FBXW7: variants seen among roughly 807,000 people sequenced by gnomAD.
FBXW7 encodes F-box and WD repeat domain containing 7.
Under a neutral mutation model 86.3 loss-of-function variants are expected in FBXW7, and 11 were observed. The observed-to-expected ratio is 0.13, with a 90% CI of 0.08 to 0.21. The LOEUF (loss-of-function observed/expected upper bound fraction) is 0.21. Ranked by LOEUF, FBXW7 falls within the 10% of genes least tolerant of loss-of-function variation. The pLI is 1.00. For synonymous variants in FBXW7, 313 were observed against 297.9 expected (o/e 1.05, Z -0.52); for missense variants, 488 against 847.4 (o/e 0.58, Z 5.27).
intron 2 of FBXW7, among the ~76,000 whole-genome samples, chr4:152,490,171 G>A (rs1037443567): frequency 6.6e-6 from 1 of 152,078 alleles, no homozygotes; most frequent in East Asian, 1.9e-4. Context: ...GAAATCAGGG[G>A]AGGAAAGATG....
intron 2 of FBXW7, among the ~76,000 whole-genome samples, chr4:152,444,597 A>G (rs1741203991): frequency 6.6e-6 from 1 of 152,226 alleles, no homozygotes; most frequent in Non-Finnish European, 1.5e-5. Context: ...CAAACCATCT[A>G]TGGTTTGTAA....
At chr4:152,434,931 T>C (rs1740239012) in intron 2 of FBXW7, among the ~76,000 whole-genome samples, 2 of 144,004 alleles carry the variant, frequency 1.4e-5, no homozygotes, top group African/African-American at 5.5e-5. Flanking sequence ...CCTAATTCTC[T>C]GTTCCCCCAA....
In FBXW7 at chr4:152,347,002, T is replaced by C. The variant is rs1731329305; in HGVS notation, c.654A>G (p.Gln218=). The C allele has an allele frequency of 6.2e-6, 10 of 1,613,564 alleles. No homozygotes were observed. In the South Asian group the frequency reaches 1.1e-4, roughly 18 times the overall value. The part of the protein sequence containing the change: ...TFGDLRAANG[Q]GQQRRRITSV... ...ATGTAATTCGGCGTCGTTGTTGCCC[T>C]TGGCCATTGGCTGCTCTGAGGTCCC... is the stretch of plus-strand genomic sequence containing the variant. The change falls in exon 6 of 14, where the codon CAA becomes CAG. Residue 218 remains glutamine, a synonymous_variant. Transcript: ENST00000281708.
At position 152,497,893 on chromosome 4, in the gene FBXW7, T is replaced by C. The variant is rs1453918757; in HGVS notation, c.-120+37048A>G. On this transcript the variant is annotated intron_variant, in intron 2 of 13. Transcript: ENST00000281708. ...TTATTCAACCTGGAAAACTAAACAGTAGTTACAATGAATGAACTAAATCTA... is the reference window on the plus strand; with the variant it reads ...TTATTCAACCTGGAAAACTAAACAGCAGTTACAATGAATGAACTAAATCTA... Among the ~76,000 whole-genome samples, 17 of 151,850 alleles carry C rather than the reference T, an allele frequency of 1.1e-4. No homozygotes were observed. The East Asian group carries it at 3.3e-3, about 29-fold the overall frequency.
chr4:152,449,916 T>C (rs894709154), intron 2 of FBXW7, among the ~76,000 whole-genome samples: 2 of 152,240 alleles, frequency 1.3e-5, no homozygotes, highest in Admixed American at 6.5e-5. Context: ...TGAACATTCA[T>C]AGACCAATGA....
chr4:152,469,825 T>A (rs1167765410), intron 2 of FBXW7, among the ~76,000 whole-genome samples: 2 of 152,086 alleles, frequency 1.3e-5, no homozygotes, highest in Non-Finnish European at 2.9e-5. Flanking sequence ...CCAAGTAAAA[T>A]TTAAAATATT....
chr4:152,493,683 G>A (rs1746065008), intron 2 of FBXW7, among the ~76,000 whole-genome samples: 1 of 152,140 alleles, frequency 6.6e-6, no homozygotes, highest in African/African-American at 2.4e-5. Context: ...AAAACCAAGT[G>A]AGGACACAGC....
chr4:152,405,203 T>C (rs749837142), intron 4 of FBXW7, among the ~76,000 whole-genome samples: 6 of 151,298 alleles, frequency 4.0e-5, no homozygotes, highest in Non-Finnish European at 8.8e-5. Flanking sequence ...ATTTACCAAA[T>C]TTCTACTGCT....
At chr4:152,437,417 C>T (rs1175601793) in intron 2 of FBXW7, among the ~76,000 whole-genome samples, 3 of 150,658 alleles carry the variant, frequency 2.0e-5, no homozygotes, top group South Asian at 2.1e-4. Context: ...TCACTGCAGG[C>T]GCGTAGAAAT....
intron 4 of FBXW7, among the ~76,000 whole-genome samples, chr4:152,378,406 C>T (rs1014677791): frequency 5.3e-5 from 8 of 152,240 alleles, no homozygotes; most frequent in East Asian, 3.9e-4. Context: ...CTTATCTGTG[C>T]TCCATCCTTT....
At chr4:152,419,627 A>G (rs1738768778) in intron 2 of FBXW7, among the ~76,000 whole-genome samples, 1 of 151,984 alleles carries the variant, frequency 6.6e-6, no homozygotes, top group African/African-American at 2.4e-5. Flanking sequence ...TGAAGAAACC[A>G]CACACACAGA....
At chr4:152,365,008 G>A (rs1449467369) in intron 4 of FBXW7, among the ~76,000 whole-genome samples, 1 of 152,126 alleles carries the variant, frequency 6.6e-6, no homozygotes, top group Non-Finnish European at 1.5e-5. Flanking sequence ...ACAGCATAGT[G>A]GGCAAGATAA....
chr4:152,352,702 A>G (rs904593042), intron 4 of FBXW7: 5 of 1,613,470 alleles, frequency 3.1e-6, no homozygotes, highest in South Asian at 2.2e-5. Context: ...AATGCAGCTC[A>G]GTATCAAACC....
At chr4:152,328,570 T>C (rs1412669271) in intron 10 of FBXW7, 181 bp from the exon 11 acceptor site, 2 of 438,564 alleles carry the variant, frequency 4.6e-6, no homozygotes, top group Non-Finnish European at 7.9e-6. Flanking sequence ...TTCAAAAGCA[T>C]TATAAATTTA....
rs779912228 is a variant in FBXW7 at position 152,329,790 on chromosome 4, A to G, written c.1123-5T>C. The stretch of plus-strand genomic sequence containing the variant: ...ATCATCATGTCCTTTCAGCACCTAT[A>G]AGAAAGATGTGCAGATTAGAAATAT... On this transcript the variant is annotated splice_region_variant and splice_polypyrimidine_tract_variant and intron_variant, in intron 9 of 13. Coordinates refer to ENST00000281708, the MANE Select transcript of FBXW7 (RefSeq NM_001349798.2). 2.7e-6 allele frequency: 4 copies of G among 1,498,358 alleles called. No individual in the cohort carries two copies. Among genetic ancestry groups the G allele is most frequent in the Non-Finnish European group, 3.6e-6 (4 of 1,111,760 alleles). 92.8% of individuals were successfully genotyped at this position (1,498,358 alleles called of 1,614,324 possible).
rs189756116 is a variant in FBXW7 at position 152,385,023 on chromosome 4, G to A, written c.501+26280C>T. On this transcript the variant is annotated intron_variant, in intron 4 of 13. Transcript: ENST00000281708. ...GTCATATTTTGTCCTTCTCTCATTA[G>A]ACAATCCCTTTTGCTAAAGTAGGTC... Among the ~76,000 whole-genome samples, 309 of 152,042 alleles carry A rather than the reference G, an allele frequency of 2.0e-3. 1 individual carries two copies. The highest frequency in any genetic ancestry group is 3.5e-3 in the Non-Finnish European group (236 of 67,886).
intron 2 of FBXW7, among the ~76,000 whole-genome samples, chr4:152,458,812 G>A (rs958012873): frequency 1.3e-5 from 2 of 152,186 alleles, no homozygotes; most frequent in Admixed American, 6.5e-5. Flanking sequence ...AGAAAGGGAG[G>A]TGGGGGTAGG....
intron 2 of FBXW7, among the ~76,000 whole-genome samples, chr4:152,509,582 T>TA (rs1044463567): frequency 2.2e-4 from 34 of 151,398 alleles, no homozygotes; most frequent in African/African-American, 5.1e-4. Flanking sequence ...CTTCCTGCTT[T>TA]AAAAAAAAAT....
intron 6 of FBXW7, 117 bp downstream of exon 6, chr4:152,346,812 CA>C: frequency 2.2e-6 from 3 of 1,341,998 alleles, no homozygotes; most frequent in Non-Finnish European, 3.0e-6. Flanking sequence ...AGAATGATTT[CA>C]AAATTCATCC....
Sources: allele counts gnomAD v4.1 joint callset (sites outside exome capture counted in the v4.1 genomes callset), GRCh38; gene constraint gnomAD v4.1.1; transcripts MANE v1.5; gene names NCBI Gene and HGNC (gene_info 2026-07-23, HGNC 2026-07-21).